Variants in PTPRT observed in about 807,000 individuals in gnomAD.
The protein encoded by PTPRT is receptor-type tyrosine-protein phosphatase T.
Under a neutral mutation model 176.8 loss-of-function variants are expected in PTPRT, and 56 were observed. The observed-to-expected ratio is 0.32, with a 90% CI of 0.26 to 0.40. The LOEUF is 0.40. Ranked by LOEUF, PTPRT falls within the 10% of genes least tolerant of loss-of-function variation. The pLI, the probability that PTPRT is intolerant of heterozygous loss-of-function variation, is 1.00. For synonymous variants in PTPRT, 783 were observed against 739.0 expected (o/e 1.06, Z -0.96); for missense variants, 1,540 against 1,908.2 (o/e 0.81, Z 3.60).
chr20:42,746,377 G>A (rs2076691106), intron 6 of PTPRT, among the ~76,000 whole-genome samples: 1 of 152,170 alleles, frequency 6.6e-6, no homozygotes, highest in South Asian at 2.1e-4. Context: ...CTAAGGGTGG[G>A]GAACCGGGCA....
chr20:42,142,102 C>A, intron 17 of PTPRT, 100 bp from the exon 18 acceptor site: 1 of 947,254 alleles, frequency 1.1e-6, no homozygotes, highest in Non-Finnish European at 1.7e-6. Flanking sequence ...TGCGATGGGA[C>A]TCCTAGTGGA....
intron 1 of PTPRT, among the ~76,000 whole-genome samples, chr20:43,053,741 T>C (rs1987134389): frequency 6.6e-6 from 1 of 152,208 alleles, no homozygotes; most frequent in African/African-American, 2.4e-5. Context: ...GTTTGAGGAC[T>C]GTTTAATTAA....
At chr20:42,534,690 C>T (rs2072444979) in intron 7 of PTPRT, among the ~76,000 whole-genome samples, 1 of 152,136 alleles carries the variant, frequency 6.6e-6, no homozygotes. Context: ...CCAAACAACA[C>T]TGGCCATATC....
At chr20:43,134,855 T>C (rs953347520) in intron 1 of PTPRT, among the ~76,000 whole-genome samples, 1 of 152,126 alleles carries the variant, frequency 6.6e-6, no homozygotes, top group Non-Finnish European at 1.5e-5. Context: ...AGACTAAGGG[T>C]TTATTAACCT....
intron 2 of PTPRT, among the ~76,000 whole-genome samples, chr20:42,859,828 G>C (rs999577515): frequency 6.6e-6 from 1 of 151,176 alleles, no homozygotes; most frequent in Non-Finnish European, 1.5e-5. Context: ...TCCTGACCTC[G>C]TGATCCACCC....
chr20:42,625,492 C>T (rs559083008), intron 7 of PTPRT, among the ~76,000 whole-genome samples: 2 of 151,810 alleles, frequency 1.3e-5, no homozygotes, highest in African/African-American at 4.8e-5. Flanking sequence ...CAGACTGTTC[C>T]TCCATCTGAG....
At chr20:42,915,225 G>T (rs989360808) in intron 1 of PTPRT, among the ~76,000 whole-genome samples, 1 of 152,210 alleles carries the variant, frequency 6.6e-6, no homozygotes, top group Non-Finnish European at 1.5e-5. Context: ...TGCACAATGC[G>T]GTTCGAAATC....
intron 6 of PTPRT, among the ~76,000 whole-genome samples, chr20:42,704,570 C>T (rs2076023252): frequency 6.6e-6 from 1 of 152,098 alleles, no homozygotes; most frequent in Non-Finnish European, 1.5e-5. Flanking sequence ...GCCTTTCTAC[C>T]TTCCACATTC....
In PTPRT at chr20:42,929,395, A is replaced by G. The variant is rs56662059; in HGVS notation, c.89-43463T>C. On this transcript the variant is annotated intron_variant, in intron 1 of 30. Transcript: ENST00000373187. ...ACATTAAATCATCTGTCACATGTAT[A>G]ATTATTCCAATTGCATTTAAAGGAC... Among the ~76,000 whole-genome samples, 77 of 152,358 alleles carry G rather than the reference A, an allele frequency of 5.1e-4. 3 individuals are homozygous for G. In the East Asian group the frequency reaches 0.014, roughly 29 times the overall value.
At chr20:42,663,764 C>A (rs2075266814) in intron 7 of PTPRT, among the ~76,000 whole-genome samples, 1 of 152,080 alleles carries the variant, frequency 6.6e-6, no homozygotes, top group Non-Finnish European at 1.5e-5. Context: ...ACAGCATGAA[C>A]ATTAACCCAT....
At position 42,162,306 on chromosome 20, in the gene PTPRT, C is replaced by T. The variant is rs147552351; in HGVS notation, c.2492-764G>A. The stretch of plus-strand genomic sequence containing the variant: ...CCCGGGCCTGGATGCTATGTCTCAT[C>T]GCCTTCATAAAATCTCTCCCTGATG... On this transcript the variant is annotated intron_variant, in intron 16 of 30. Transcript: ENST00000373187. 2.6e-3 allele frequency among the ~76,000 whole-genome samples: 398 copies of T among 152,286 alleles called. 2 individuals carry two copies. Among genetic ancestry groups the T allele is most frequent in the African/African-American group, 8.7e-3 (363 of 41,548 alleles).
At chr20:42,661,647 C>T (rs187033207) in intron 7 of PTPRT, among the ~76,000 whole-genome samples, 142 of 152,144 alleles carry the variant, frequency 9.3e-4, no homozygotes, top group African/African-American at 3.3e-3. Flanking sequence ...TCTACATGGC[C>T]GTGGTGGATG....
intron 1 of PTPRT, among the ~76,000 whole-genome samples, chr20:43,134,496 T>C (rs190052119): frequency 4.6e-5 from 7 of 152,274 alleles, no homozygotes; most frequent in Middle Eastern, 3.4e-3. Context: ...TTACCCCTCA[T>C]GTTTCTTCCT....
the PTPRT span, among the ~76,000 whole-genome samples, chr20:42,041,494 T>A: frequency 2.0e-5 from 3 of 152,210 alleles, no homozygotes; most frequent in Non-Finnish European, 4.4e-5. Context: ...ATATCTCTTG[T>A]CTAGACATCC....
chr20:43,019,599 C>G (rs1017084225), intron 1 of PTPRT, among the ~76,000 whole-genome samples: 1 of 135,266 alleles, frequency 7.4e-6, no homozygotes, highest in African/African-American at 2.9e-5. Context: ...AGCCTGGCAA[C>G]AGAGCGAGAC....
chr20:43,039,621 G>A (rs540248932), intron 1 of PTPRT, among the ~76,000 whole-genome samples: 1 of 151,962 alleles, frequency 6.6e-6, no homozygotes, highest in East Asian at 1.9e-4. Flanking sequence ...AACTTATTGT[G>A]ACCAAAAATA....
intron 9 of PTPRT, among the ~76,000 whole-genome samples, chr20:42,421,691 C>G (rs537548032): frequency 1.4e-4 from 22 of 152,126 alleles, no homozygotes; most frequent in African/African-American, 5.1e-4. Context: ...CCTCAAGAAA[C>G]TAGAGAAGAA....
intron 23 of PTPRT, among the ~76,000 whole-genome samples, chr20:42,108,993 A>AGAT (rs1986773117): frequency 2.6e-5 from 4 of 152,156 alleles, no homozygotes; most frequent in South Asian, 2.1e-4. Context: ...TGGGATATAG[A>AGAT]GATGGGGGGC....
At chr20:42,482,479 TG>T (rs1274410148) in intron 7 of PTPRT, among the ~76,000 whole-genome samples, 1 of 152,228 alleles carries the variant, frequency 6.6e-6, no homozygotes, top group East Asian at 1.9e-4. Flanking sequence ...TTTTGTATTT[TG>T]AGTTTCTACC....
Sources: gnomAD v4.1 joint callset for allele counts (sites outside exome capture counted in the v4.1 genomes callset) on GRCh38, gnomAD v4.1.1 for gene constraint, MANE v1.5 for transcripts, NCBI Gene and HGNC (gene_info 2026-07-23, HGNC 2026-07-21) for gene names.